The following MLIP variants were observed in gnomAD, a reference collection of about 807,000 sequenced individuals.
The protein encoded by MLIP is muscular LMNA interacting protein.
Under a neutral mutation model 84.8 loss-of-function variants are expected in MLIP, and 79 were observed. The observed-to-expected ratio is 0.93, with a 90% CI of 0.78 to 1.12. The LOEUF (loss-of-function observed/expected upper bound fraction) is 1.12, where lower values mean the gene tolerates loss of function less well. MLIP is among the 50% of genes most tolerant of loss of function. MLIP has a pLI of 0.00. For synonymous variants in MLIP, 504 were observed against 463.0 expected (o/e 1.09, Z -1.14); for missense variants, 1,257 against 1,160.6 (o/e 1.08, Z -1.21).
intron 1 of MLIP, among the ~76,000 whole-genome samples, chr6:54,035,011 T>C (rs912051922): frequency 2.6e-5 from 4 of 152,212 alleles, no homozygotes; most frequent in African/African-American, 9.6e-5. Context: ...TAGTATTCAG[T>C]ACAGTTACAT....
chr6:54,230,445 A>G (rs1271169339), intron 11 of MLIP, among the ~76,000 whole-genome samples: 1 of 152,150 alleles, frequency 6.6e-6, no homozygotes, highest in African/African-American at 2.4e-5. Context: ...AATACTTTCA[A>G]AAATAAACCT....
intron 11 of MLIP, among the ~76,000 whole-genome samples, chr6:54,209,474 A>G (rs746523974): frequency 2.0e-5 from 3 of 152,194 alleles, no homozygotes; most frequent in African/African-American, 7.2e-5. Context: ...GTATAGAAAG[A>G]AAACCCCAAT....
Position 54,202,197 on chromosome 6 carries a change from A to G in MLIP, c.2682A>G (p.Lys894=), listed in dbSNP as rs887554006. ...TCTATGAACCCAACCCTTTCAGTAA[A>G]TACTTGGAAGATAACAGCGACCTCT... ...EEVYEPNPFS[K]YLEDNSDLFS... is the part of the protein sequence containing the mutation. The change falls in exon 11 of 14, where the codon AAA becomes AAG. Residue 894 remains lysine, a synonymous_variant. Transcript: ENST00000502396. The G allele has an allele frequency of 3.2e-6, 5 of 1,586,522 alleles. No individual in the cohort carries two copies. Among genetic ancestry groups the G allele is most frequent in the African/African-American group, 2.7e-5 (2 of 74,096 alleles).
intron 10 of MLIP, among the ~76,000 whole-genome samples, chr6:54,195,887 T>C (rs887904014): frequency 1.3e-5 from 2 of 152,106 alleles, no homozygotes; most frequent in African/African-American, 4.8e-5. Flanking sequence ...CATATCACCA[T>C]GAACAGAGGG....
intron 12 of MLIP, among the ~76,000 whole-genome samples, chr6:54,251,710 CAT>C (rs201795200): frequency 2.2e-5 from 2 of 89,876 alleles, no homozygotes; most frequent in African/African-American, 4.8e-5. Context: ...ACATATGATA[CAT>C]ATATATTATA....
chr6:54,261,650 C>A, intron 13 of MLIP: 1 of 984,398 alleles, frequency 1.0e-6, no homozygotes, highest in Non-Finnish European at 1.2e-6. Flanking sequence ...CCACTGATGT[C>A]TAAGGTTCTA....
chr6:54,081,805 A>T (rs1421172956), intron 1 of MLIP, among the ~76,000 whole-genome samples: 1 of 151,982 alleles, frequency 6.6e-6, no homozygotes, highest in Non-Finnish European at 1.5e-5. Context: ...TCATTTTATT[A>T]ATTTTACTTT....
intron 11 of MLIP, among the ~76,000 whole-genome samples, chr6:54,206,054 T>C (rs1181493438): frequency 6.6e-6 from 1 of 152,156 alleles, no homozygotes; most frequent in East Asian, 1.9e-4. Context: ...CCAGAAGACA[T>C]ACAGGCTCAG....
At position 54,245,391 on chromosome 6, in the gene MLIP, C is replaced by T. The variant is rs561456433; in HGVS notation, c.2923-11917C>T. ...GAATAAATTGCAGAGTTATCCACAC[C>T]TGATGCAAAGGAGCTACCCTTTTAT... On this transcript the variant is annotated intron_variant, in intron 12 of 13. Transcript: ENST00000502396. 3.3e-5 allele frequency among the ~76,000 whole-genome samples: 5 copies of T among 152,250 alleles called. No individual in the cohort carries two copies. In the East Asian group the frequency reaches 5.8e-4, roughly 18 times the overall value.
intron 5 of MLIP, among the ~76,000 whole-genome samples, chr6:54,151,854 C>A (rs1331091026): frequency 6.6e-6 from 1 of 152,064 alleles, no homozygotes; most frequent in Non-Finnish European, 1.5e-5. Flanking sequence ...ACCGGCATCC[C>A]TTGCAATGAG....
intron 1 of MLIP, among the ~76,000 whole-genome samples, chr6:54,062,195 T>A (rs756624696): frequency 8.5e-5 from 13 of 152,214 alleles, no homozygotes; most frequent in South Asian, 8.3e-4. Context: ...TATGTTTTTT[T>A]TTCTTTGTAG....
chr6:54,175,542 T>A (rs1313437908), intron 9 of MLIP, among the ~76,000 whole-genome samples: 1 of 152,076 alleles, frequency 6.6e-6, no homozygotes, highest in Non-Finnish European at 1.5e-5. Context: ...GACTTCTTTT[T>A]TAGATTGTTC....
intron 5 of MLIP, 41 bp from the exon 6 acceptor site, chr6:54,160,326 G>T: frequency 6.6e-7 from 1 of 1,525,714 alleles, no homozygotes; most frequent in Non-Finnish European, 9.1e-7. Flanking sequence ...CCAGTTGTAT[G>T]ACTAGAAGCC....
upstream of MLIP, among the ~76,000 whole-genome samples, chr6:54,107,899 G>A (rs775583325): frequency 3.3e-5 from 5 of 152,212 alleles, no homozygotes; most frequent in African/African-American, 9.6e-5. Context: ...TGTCTGAATA[G>A]CCTTGGCAGC....
chr6:54,100,151 G>A (rs1768535116), intron 1 of MLIP, among the ~76,000 whole-genome samples: 1 of 152,078 alleles, frequency 6.6e-6, no homozygotes, highest in Non-Finnish European at 1.5e-5. Flanking sequence ...TCATCATGTT[G>A]GAGACGTCCC....
chr6:54,158,105 G>C (rs1342162182), intron 5 of MLIP, among the ~76,000 whole-genome samples: 1 of 152,112 alleles, frequency 6.6e-6, no homozygotes, highest in South Asian at 2.1e-4. Context: ...GGTACCTCTT[G>C]GTCAAGGCTA....
chr6:54,054,355 A>T (rs1417132535), intron 1 of MLIP, among the ~76,000 whole-genome samples: 1 of 150,196 alleles, frequency 6.7e-6, no homozygotes. Flanking sequence ...GATGACAAAC[A>T]GGGTGGATTG....
chr6:54,071,115 G>C (rs1434719840), intron 1 of MLIP, among the ~76,000 whole-genome samples: 1 of 151,988 alleles, frequency 6.6e-6, no homozygotes, highest in Non-Finnish European at 1.5e-5. Flanking sequence ...ATAGGTATTT[G>C]CATTTTTAAA....
intron 1 of MLIP, among the ~76,000 whole-genome samples, chr6:54,093,365 A>ATTCTATTCTG (rs1380741996): frequency 3.3e-5 from 5 of 150,862 alleles, no homozygotes; most frequent in African/African-American, 9.8e-5. Context: ...ATTCTATTCT[A>ATTCTATTCTG]TTCTATTCTA....
Sources: gnomAD v4.1 joint callset for allele counts (sites outside exome capture counted in the v4.1 genomes callset) on GRCh38, gnomAD v4.1.1 for gene constraint, MANE v1.5 for transcripts, NCBI Gene and HGNC (gene_info 2026-07-23, HGNC 2026-07-21) for gene names.